FAR1: variants seen among roughly 807,000 people sequenced by gnomAD.
The protein encoded by FAR1 is male sterility domain-containing protein 2.
FAR1 carries 22 observed loss-of-function variants against 61.1 expected under a neutral mutation model. The ratio of observed to expected loss-of-function variants is 0.36; its 90% CI spans 0.26 to 0.51. The LOEUF is 0.51. Ranked by LOEUF, FAR1 falls within the 20% of genes least tolerant of loss-of-function variation. The probability of loss-of-function intolerance (pLI) is 0.95; values close to 1 mark genes in which losing one functional copy is unlikely to be tolerated. For missense variants in FAR1, 359 were observed against 626.9 expected (o/e 0.57, Z 4.56); for synonymous variants, 206 against 209.7 (o/e 0.98, Z 0.15).
intron 1 of FAR1, among the ~76,000 whole-genome samples, chr11:13,672,942 T>C (rs547660586): frequency 6.6e-6 from 1 of 152,332 alleles, no homozygotes; most frequent in Admixed American, 6.5e-5. Flanking sequence ...AACTGCTTCT[T>C]TTGGCTTTAT....
At chr11:13,724,335 C>T (rs12362912) in intron 10 of FAR1, among the ~76,000 whole-genome samples, 4,240 of 151,788 alleles carry the variant, frequency 0.028, 89 homozygotes, top group Middle Eastern at 0.058. Flanking sequence ...AACTTGAGCT[C>T]AGGAGTTCGA....
intron 9 of FAR1, among the ~76,000 whole-genome samples, chr11:13,717,344 G>A (rs929174666): frequency 6.6e-6 from 1 of 152,064 alleles, no homozygotes; most frequent in Non-Finnish European, 1.5e-5. Flanking sequence ...CTGCCCATAC[G>A]CCCATCATAA....
At chr11:13,723,380 A>AAC (rs1565353085) in intron 10 of FAR1, 4 of 418,142 alleles carry the variant, frequency 9.6e-6, no homozygotes, top group African/African-American at 8.5e-5. Context: ...AAAAAAAAAA[A>AAC]AAACCCCAAA....
Position 13,714,591 on chromosome 11 carries a change from T to C in FAR1, c.1038T>C (p.His346=). The C allele has an allele frequency of 3.1e-6, 5 of 1,613,604 alleles. No homozygotes were observed. Among genetic ancestry groups the C allele is most frequent in the Non-Finnish European group, 4.2e-6 (5 of 1,179,694 alleles). Residue 346 remains histidine (H), a synonymous_variant, in exon 9 of 12, where the codon CAT becomes CAC. Transcript: ENST00000354817. The stretch of plus-strand genomic sequence containing the variant: ...CCAATGTAAATCTAACCTCCAATCA[T>C]CTTTTATATCATTACTGGATTGCTG... ...RRPNVNLTSN[H]LLYHYWIAVS... is the part of the protein sequence containing the mutation.
rs1270577022 is a variant in FAR1, at chr11:13,730,552, A to G, written c.*1778A>G. ...TTTTATTTAAAGTGGCCCACATAAT[A>G]TACATTGAGTACTCCATCTCTCCAA... On this transcript the variant is annotated 3_prime_UTR_variant, in exon 12 of 12. Coordinates refer to ENST00000354817, the MANE Select transcript of FAR1 (RefSeq NM_032228.6). The G allele has an allele frequency of 1.3e-5, 2 of 152,120 alleles. No homozygotes were observed. Among genetic ancestry groups the G allele is most frequent in the African/African-American group, 4.8e-5 (2 of 41,446 alleles). 9.4% of individuals were successfully genotyped at this position (152,120 alleles called of 1,614,324 possible). A position where few individuals can be genotyped will look rare whatever the true frequency, so the allele number is the denominator to read the frequency against.
At chr11:13,718,933 G>T (rs939812096) in intron 9 of FAR1, among the ~76,000 whole-genome samples, 1 of 152,072 alleles carries the variant, frequency 6.6e-6, no homozygotes, top group Admixed American at 6.5e-5. Flanking sequence ...GAGCTTCCTC[G>T]CAGTATGGCA....
intron 3 of FAR1, among the ~76,000 whole-genome samples, chr11:13,707,198 GA>G (rs1447043700): frequency 6.6e-6 from 1 of 151,976 alleles, no homozygotes; most frequent in Non-Finnish European, 1.5e-5. Flanking sequence ...ATGCTTCATT[GA>G]TAACTTTTCT....
chr11:13,671,464 A>C (rs1334460619), intron 1 of FAR1, among the ~76,000 whole-genome samples: 1 of 152,228 alleles, frequency 6.6e-6, no homozygotes, highest in African/African-American at 2.4e-5. Context: ...GATTGGAGAT[A>C]GGTAGTAAAG....
chr11:13,670,658 G>C (rs900888424), intron 1 of FAR1, among the ~76,000 whole-genome samples: 2 of 151,390 alleles, frequency 1.3e-5, no homozygotes, highest in African/African-American at 4.9e-5. Flanking sequence ...TATGTATTAG[G>C]CTTGTTGGGA....
chr11:13,670,153 A>G (rs1847981128), intron 1 of FAR1: 1 of 152,096 alleles, frequency 6.6e-6, no homozygotes, highest in Non-Finnish European at 1.5e-5. Context: ...TCCAGCCTCA[A>G]ACTCCTCGGC....
intron 2 of FAR1, among the ~76,000 whole-genome samples, chr11:13,699,410 A>G (rs908148735): frequency 1.3e-5 from 2 of 152,214 alleles, no homozygotes; most frequent in Non-Finnish European, 2.9e-5. Context: ...AAGTAGCAGT[A>G]GGAGCTATCA....
intron 7 of FAR1, among the ~76,000 whole-genome samples, chr11:13,712,564 AAGAG>A (rs1028168911): frequency 6.6e-6 from 1 of 152,040 alleles, no homozygotes; most frequent in Non-Finnish European, 1.5e-5. Context: ...GTCCTAAAAA[AAGAG>A]AGATAGGATT....
At chr11:13,692,049 T>C (rs1848256213) in intron 1 of FAR1, among the ~76,000 whole-genome samples, 1 of 152,030 alleles carries the variant, frequency 6.6e-6, no homozygotes, top group African/African-American at 2.4e-5. Context: ...GCACCTGTAG[T>C]CCCAGCTACT....
Position 13,713,026 on chromosome 11 carries a change from T to C in FAR1, c.948T>C (p.Gly316=). The C allele has an allele frequency of 6.2e-7, 1 of 1,612,350 alleles. No homozygotes were observed. The highest frequency in any genetic ancestry group is 8.5e-7 in the Non-Finnish European group (1 of 1,178,632). The stretch of plus-strand genomic sequence containing the variant: ...GCAGCACTAATCCTTTCCACTGGGG[T>C]GAAGTTGGTATGATTTTACCTGTGT... ...TTGSTNPFHW[G]EVEYHVISTF... Residue 316 remains glycine, a synonymous_variant, in exon 8 of 12, where the codon GGT becomes GGC. Transcript: ENST00000354817.
Position 13,713,007 on chromosome 11 carries a change from C to T in FAR1, c.929C>T (p.Thr310Ile). The T allele has an allele frequency of 6.2e-7, 1 of 1,613,138 alleles. No individual in the cohort carries two copies. Among genetic ancestry groups the T allele is most frequent in the South Asian group, 1.1e-5 (1 of 91,068 alleles). ...IMVYNCTTGS[T>I]NPFHWGEVEY... ...GTGTATAATTGTACAACAGGCAGCA[C>T]TAATCCTTTCCACTGGGGTGAAGTT... Residue 310 changes from threonine to isoleucine, a missense_variant, in exon 8 of 12, where the codon ACT (threonine) becomes ATT (isoleucine). Coordinates refer to ENST00000354817, the MANE Select transcript of FAR1 (RefSeq NM_032228.6).
chr11:13,697,815 C>G (rs1046962700), intron 2 of FAR1, among the ~76,000 whole-genome samples: 3 of 152,104 alleles, frequency 2.0e-5, no homozygotes, highest in African/African-American at 7.2e-5. Flanking sequence ...TTTTCCTCTG[C>G]TTGCCCCATA....
Position 13,700,438 on chromosome 11 carries a change from C to A in FAR1, c.311C>A (p.Ser104Tyr). The part of the protein sequence containing the change: ...SEEDKEVIID[S>Y]TNIIFHCAAT... The stretch of plus-strand genomic sequence containing the variant: ...GAAGATAAAGAGGTGATCATAGATT[C>A]TACCAATATTATATTCCACTGTGCA... The change falls in exon 3 of 12, where the codon TCT becomes TAT. Residue 104 changes from serine (S) to tyrosine (Y), a missense_variant. By Grantham distance (144) the Ser-to-Tyr change is moderately radical. This residue lies in a region of FAR1 where 344 missense variants were observed against 570.3 expected (regional missense o/e 0.60). Transcript: ENST00000354817. 6.3e-7 allele frequency: 1 copy of A among 1,588,540 alleles called. No homozygotes were observed. The highest frequency in any genetic ancestry group is 1.8e-5 in the Admixed American group (1 of 54,528).
chr11:13,727,637 A>G lies in FAR1; in HGVS notation c.1339A>G (p.Asn447Asp), dbSNP rs756308155. The G allele has an allele frequency of 6.2e-7, 1 of 1,610,490 alleles. No homozygotes were observed. The highest frequency in any genetic ancestry group is 8.5e-7 in the Non-Finnish European group (1 of 1,177,788). ...CTTGGGAACTAAGAAGTACGTATTG[A>G]ATGAAGAAATGTCTGGCCTCCCTGC... is the stretch of plus-strand genomic sequence containing the variant. ...YCLGTKKYVL[N>D]EEMSGLPAAR... is the part of the protein sequence containing the mutation. Residue 447 changes from asparagine to aspartate, a missense_variant, in exon 11 of 12, where the codon AAT becomes GAT. This residue lies in a region of FAR1 where 344 missense variants were observed against 570.3 expected (regional missense o/e 0.60). Transcript: ENST00000354817.
intron 8 of FAR1, among the ~76,000 whole-genome samples, chr11:13,713,630 T>A (rs1056816776): frequency 2.6e-5 from 4 of 152,120 alleles, no homozygotes; most frequent in African/African-American, 9.7e-5. Flanking sequence ...GAGTTCAAAT[T>A]TAAAGTAAAA....
Sources: allele counts gnomAD v4.1 joint callset (sites outside exome capture counted in the v4.1 genomes callset), GRCh38; gene constraint gnomAD v4.1.1; regional missense constraint gnomAD v4.1.1; transcripts MANE v1.5; gene names NCBI Gene and HGNC (gene_info 2026-07-23, HGNC 2026-07-21).